VPS41: variants seen among roughly 807,000 people sequenced by gnomAD.
VPS41 encodes the protein VPS41 subunit of HOPS complex.
In VPS41, 85 loss-of-function variants were observed where a neutral mutation model predicts 130.9. That is an observed-to-expected ratio of 0.65 (90% CI 0.55 to 0.78). The LOEUF (loss-of-function observed/expected upper bound fraction) is 0.78, where lower values mean the gene tolerates loss of function less well. VPS41 is among the 30% of genes least tolerant of loss of function. The pLI, the probability that VPS41 is intolerant of heterozygous loss-of-function variation, is 0.00. For missense variants in VPS41, 874 were observed against 1,018.7 expected (o/e 0.86, Z 1.93); for synonymous variants, 335 against 332.9 (o/e 1.01, Z -0.07).
chr7:38,816,824 C>A (rs574545138), intron 7 of VPS41, among the ~76,000 whole-genome samples: 2 of 152,174 alleles, frequency 1.3e-5, no homozygotes, highest in Non-Finnish European at 2.9e-5. Flanking sequence ...TAGCTCACTG[C>A]AACCTCAAAC....
intron 14 of VPS41, among the ~76,000 whole-genome samples, chr7:38,768,840 T>C (rs1450465011): frequency 1.3e-5 from 2 of 152,104 alleles, no homozygotes; most frequent in African/African-American, 4.8e-5. Context: ...CAACTCTATT[T>C]TACCTCTTTT....
intron 10 of VPS41, 54 bp downstream of exon 10, chr7:38,789,747 C>A (rs1557941): frequency 2.5e-6 from 4 of 1,592,222 alleles, no homozygotes; most frequent in African/African-American, 1.3e-5. Flanking sequence ...TTAATGAAGA[C>A]GAAAATTTTG....
chr7:38,728,662 G>A (rs1326154608), intron 26 of VPS41, 30 bp downstream of exon 26: 1 of 1,613,556 alleles, frequency 6.2e-7, no homozygotes, highest in Non-Finnish European at 8.5e-7. Flanking sequence ...AGGGCACGTG[G>A]TTCCATATGA....
At chr7:38,823,370 T>C (rs1424642737) in intron 5 of VPS41, among the ~76,000 whole-genome samples, 1 of 152,196 alleles carries the variant, frequency 6.6e-6, no homozygotes, top group African/African-American at 2.4e-5. Context: ...TGCTGGCACC[T>C]TGAAATCAGA....
At chr7:38,877,398 A>G (rs999930368) in intron 2 of VPS41, among the ~76,000 whole-genome samples, 2 of 152,156 alleles carry the variant, frequency 1.3e-5, no homozygotes, top group African/African-American at 4.8e-5. Flanking sequence ...GCAATTTTGA[A>G]ATACCATAAA....
chr7:38,877,060 T>C (rs965109776), intron 2 of VPS41, among the ~76,000 whole-genome samples: 1 of 152,180 alleles, frequency 6.6e-6, no homozygotes, highest in African/African-American at 2.4e-5. Context: ...CCTCTTTTCC[T>C]CTCTTGCCAA....
chr7:38,815,104 T>C (rs542887791), intron 7 of VPS41, among the ~76,000 whole-genome samples: 1 of 152,222 alleles, frequency 6.6e-6, no homozygotes, highest in South Asian at 2.1e-4. Context: ...GCAGTGACCA[T>C]TCCCAGTGAG....
chr7:38,728,801 A>T lies in VPS41; in HGVS notation c.2260-10T>A. 3.1e-6 allele frequency: 5 copies of T among 1,613,172 alleles called. No homozygotes were observed. The highest frequency in any genetic ancestry group is 4.2e-6 in the Non-Finnish European group (5 of 1,179,166). On this transcript the variant is annotated splice_polypyrimidine_tract_variant and intron_variant, in intron 25 of 28. Coordinates refer to ENST00000310301, the MANE Select transcript of VPS41 (RefSeq NM_014396.4). ...CTTCACGAAGCAGAATCTAATGCAT[A>T]CATTTTAAAAGAAAAGCCATCTTAA... is the stretch of plus-strand genomic sequence containing the variant.
In VPS41 at chr7:38,870,151, C is replaced by A. The variant is rs369525523; in HGVS notation, c.61-898G>T. On this transcript the variant is annotated intron_variant, in intron 2 of 28. Coordinates refer to ENST00000310301, the MANE Select transcript of VPS41 (RefSeq NM_014396.4). Reference sequence around the variant, plus strand: ...GTAGGGAAAGCAGCACACCTTCTGGCACTTGCGGGGATGGAGTGACAAAAC... The same window carrying A: ...GTAGGGAAAGCAGCACACCTTCTGGAACTTGCGGGGATGGAGTGACAAAAC... 2.6e-3 allele frequency among the ~76,000 whole-genome samples: 393 copies of A among 152,198 alleles called. 2 individuals are homozygous for A. The highest frequency in any genetic ancestry group is 9.2e-3 in the African/African-American group (381 of 41,524).
At chr7:38,794,919 A>T (rs1050770856) in intron 9 of VPS41, among the ~76,000 whole-genome samples, 1 of 152,210 alleles carries the variant, frequency 6.6e-6, no homozygotes. Context: ...AGAACAGCTA[A>T]ATTTCATTTA....
intron 4 of VPS41, among the ~76,000 whole-genome samples, chr7:38,837,561 A>G (rs1307806762): frequency 6.6e-6 from 1 of 152,190 alleles, no homozygotes; most frequent in African/African-American, 2.4e-5. Context: ...CACCATGAAT[A>G]TAACAGCTTT....
intron 4 of VPS41, among the ~76,000 whole-genome samples, chr7:38,857,740 T>C (rs1786017404): frequency 6.6e-6 from 1 of 152,210 alleles, no homozygotes; most frequent in African/African-American, 2.4e-5. Flanking sequence ...GTAAGGACCA[T>C]GACCCATGAC....
Position 38,807,328 on chromosome 7 carries a change from C to T in VPS41, c.451-10464G>A, listed in dbSNP as rs368285368. Among the ~76,000 whole-genome samples, 124 of 152,230 alleles carry T rather than the reference C, an allele frequency of 8.1e-4. 4 individuals are homozygous for T. The South Asian group carries it at 0.025, about 30-fold the overall frequency. On this transcript the variant is annotated intron_variant, in intron 7 of 28. Coordinates refer to ENST00000310301, the MANE Select transcript of VPS41 (RefSeq NM_014396.4). The stretch of plus-strand genomic sequence containing the variant: ...ATTCACTATTGTTAGACAGCTTGTA[C>T]CAATTTTCACTGTTACAAATATCAA...
chr7:38,782,671 G>A (rs1000532966), intron 10 of VPS41, among the ~76,000 whole-genome samples: 2 of 152,178 alleles, frequency 1.3e-5, no homozygotes, highest in Non-Finnish European at 2.9e-5. Context: ...CAGGGTTAGA[G>A]TCACAAATAG....
intron 7 of VPS41, among the ~76,000 whole-genome samples, chr7:38,797,519 T>C (rs1156562724): frequency 1.3e-5 from 2 of 152,236 alleles, no homozygotes; most frequent in Non-Finnish European, 2.9e-5. Context: ...GATGTAATTC[T>C]AGGAAGTCAT....
In VPS41 at chr7:38,749,779, C is replaced by T. The variant is rs182468936; in HGVS notation, c.1926+2397G>A. The stretch of plus-strand genomic sequence containing the variant: ...CCACTTTGTCATTCGCAAATTGGTA[C>T]ATACGATAGCTTTTCATGTCACATG... On this transcript the variant is annotated intron_variant, in intron 22 of 28. Coordinates refer to ENST00000310301, the MANE Select transcript of VPS41 (RefSeq NM_014396.4). 9.2e-5 allele frequency among the ~76,000 whole-genome samples: 14 copies of T among 152,306 alleles called. 1 individual carries two copies. Among genetic ancestry groups the T allele is most frequent in the Admixed American group, 7.2e-4 (11 of 15,292 alleles).
chr7:38,817,358 C>CT (rs1221942341), intron 7 of VPS41, among the ~76,000 whole-genome samples: 1 of 152,192 alleles, frequency 6.6e-6, no homozygotes, highest in Non-Finnish European at 1.5e-5. Flanking sequence ...CATCCCAGGG[C>CT]TTTGGGAGGC....
At chr7:38,782,461 T>C (rs1784369110) in intron 10 of VPS41, among the ~76,000 whole-genome samples, 1 of 152,222 alleles carries the variant, frequency 6.6e-6, no homozygotes, top group Admixed American at 6.5e-5. Context: ...CCTTTGTCAC[T>C]AAGTTTTGTT....
At chr7:38,801,595 T>C (rs569073106) in intron 7 of VPS41, among the ~76,000 whole-genome samples, 1 of 152,318 alleles carries the variant, frequency 6.6e-6, no homozygotes, top group East Asian at 1.9e-4. Flanking sequence ...GTAAGTCAAA[T>C]AATTTTCCCC....
Sources: gnomAD v4.1 joint callset for allele counts (sites outside exome capture counted in the v4.1 genomes callset) on GRCh38, gnomAD v4.1.1 for gene constraint, MANE v1.5 for transcripts, NCBI Gene and HGNC (gene_info 2026-07-23, HGNC 2026-07-21) for gene names.